Variants in C12orf75 observed in about 807,000 individuals in gnomAD.
C12orf75 encodes overexpressed in colon carcinoma 1 protein.
In C12orf75, 4 loss-of-function variants were observed where a neutral mutation model predicts 11.4. The observed-to-expected ratio is 0.35, with a 90% CI of 0.17 to 0.80. The LOEUF is 0.80. Ranked by LOEUF, C12orf75 falls within the 30% of genes least tolerant of loss-of-function variation. The pLI, the probability that C12orf75 is intolerant of heterozygous loss-of-function variation, is 0.52. For synonymous variants in C12orf75, 30 were observed against 30.0 expected, an observed-to-expected ratio of 1.00 and a Z score of 0.00; for missense variants, 89 against 80.4, an observed-to-expected ratio of 1.11 and a Z score of -0.41.
At chr12:105,364,929 C>T (rs1592885730) in intron 2 of C12orf75, among the ~76,000 whole-genome samples, 1 of 151,122 alleles carries the variant, frequency 6.6e-6, no homozygotes, top group Admixed American at 6.6e-5. Context: ...GCAACCTCCA[C>T]CTCCCGGGTT....
chr12:105,366,402 T>C (rs982597163), intron 3 of C12orf75: 1 of 384,594 alleles, frequency 2.6e-6, no homozygotes, highest in African/African-American at 2.1e-5. Flanking sequence ...AAAATTCTAC[T>C]AACGCAATAC....
chr12:105,336,786 A>G (rs917519736), intron 1 of C12orf75, among the ~76,000 whole-genome samples: 3 of 152,194 alleles, frequency 2.0e-5, no homozygotes, highest in African/African-American at 7.2e-5. Flanking sequence ...TACTCACTCT[A>G]AAAGTAAGGT....
At chr12:105,337,910 A>G (rs1418246412) in intron 1 of C12orf75, among the ~76,000 whole-genome samples, 1 of 152,204 alleles carries the variant, frequency 6.6e-6, no homozygotes, top group East Asian at 1.9e-4. Flanking sequence ...CTTGCTTCAA[A>G]GTGTAACTAT....
intron 1 of C12orf75, among the ~76,000 whole-genome samples, chr12:105,334,269 T>C (rs1892473303): frequency 2.0e-5 from 3 of 152,238 alleles, no homozygotes; most frequent in Admixed American, 2.0e-4. Flanking sequence ...CAGCAATGGA[T>C]GTTTGTAGAA....
chr12:105,346,318 A>C (rs1392819233), intron 1 of C12orf75, among the ~76,000 whole-genome samples: 1 of 152,242 alleles, frequency 6.6e-6, no homozygotes, highest in African/African-American at 2.4e-5. Flanking sequence ...TATCACAGGC[A>C]TTCCTTAACC....
In C12orf75 at chr12:105,366,665, G is replaced by A; in HGVS notation, c.156G>A (p.Met52Ile). Residue 52 changes from methionine to isoleucine, a missense_variant, in exon 4 of 6, where the codon ATG becomes ATA. Physicochemically the swap from Met to Ile is conservative, Grantham distance 10. Coordinates refer to ENST00000443585, the MANE Select transcript of C12orf75 (RefSeq NM_001145199.2). ...YVGLPSEAVN[M>I]VSSQTKTVRK... is the part of the protein sequence containing the mutation. ...GCCTACCATCTGAAGCTGTCAATAT[G>A]GTGTCCAGTCAAACAAAGACGGTTC... 6.5e-7 allele frequency: 1 copy of A among 1,542,646 alleles called. No homozygotes were observed. Among genetic ancestry groups the A allele is most frequent in the African/African-American group, 1.4e-5 (1 of 72,934 alleles).
chr12:105,330,837 C>A lies in C12orf75; in HGVS notation c.-55C>A. On this transcript the variant is annotated 5_prime_UTR_variant, in exon 1 of 6. Transcript: ENST00000443585. ...CGCCGCCCTTCGTCTGGGTCTCCGC[C>A]CCCAGGACCCGCGGCCGAGAGCTCC... 8.0e-7 allele frequency: 1 copy of A among 1,242,532 alleles called. No individual in the cohort carries two copies. Among genetic ancestry groups the A allele is most frequent in the Non-Finnish European group, 1.0e-6 (1 of 993,904 alleles). The allele number at this position is 1,242,532 out of a possible 1,614,324, so 77.0% of individuals were successfully genotyped here. A position where few individuals can be genotyped will look rare whatever the true frequency, so the allele number is the denominator to read the frequency against.
chr12:105,339,967 G>A (rs777319986), intron 1 of C12orf75, among the ~76,000 whole-genome samples: 1 of 152,024 alleles, frequency 6.6e-6, no homozygotes, highest in African/African-American at 2.4e-5. Context: ...ATAGACTTTG[G>A]CATTTGGGAG....
At chr12:105,358,023 T>G (rs544424600) in intron 2 of C12orf75, among the ~76,000 whole-genome samples, 2 of 152,238 alleles carry the variant, frequency 1.3e-5, no homozygotes, top group Admixed American at 1.3e-4. Flanking sequence ...TTATTTTGTA[T>G]TTTTTGAAGA....
chr12:105,370,936 A>G lies in C12orf75; in HGVS notation c.*336A>G. ...CATTTCCACCCTGGCCACTCAGCAC[A>G]TTTCATGGAGGTCATGTCTTTTCAC... On this transcript the variant is annotated 3_prime_UTR_variant, in exon 6 of 6. Transcript: ENST00000443585. The G allele has an allele frequency of 3.6e-6, 1 of 277,704 alleles. No individual in the cohort carries two copies. The highest frequency in any genetic ancestry group is 7.3e-6 in the Non-Finnish European group (1 of 137,356). The allele number at this position is 277,704 out of a possible 1,614,324, so 17.2% of individuals were successfully genotyped here.
chr12:105,367,679 C>T (rs1271902860), intron 5 of C12orf75, among the ~76,000 whole-genome samples, 170 bp downstream of exon 5: 2 of 152,226 alleles, frequency 1.3e-5, no homozygotes, highest in East Asian at 1.9e-4. Flanking sequence ...GGTGAATAAT[C>T]AGATCAATTT....
At chr12:105,338,436 A>T (rs562769222) in intron 1 of C12orf75, among the ~76,000 whole-genome samples, 1 of 152,166 alleles carries the variant, frequency 6.6e-6, no homozygotes, top group Non-Finnish European at 1.5e-5. Context: ...GGCCTCCCAG[A>T]GTGCTGGGAT....
At chr12:105,368,019 G>T (rs1282687416) in intron 5 of C12orf75, among the ~76,000 whole-genome samples, 5 of 152,172 alleles carry the variant, frequency 3.3e-5, no homozygotes, top group Non-Finnish European at 7.4e-5. Flanking sequence ...ATGTAGTTAT[G>T]CAGGAAGGAA....
chr12:105,360,408 T>G (rs1892845499), intron 2 of C12orf75, among the ~76,000 whole-genome samples: 1 of 152,222 alleles, frequency 6.6e-6, no homozygotes, highest in South Asian at 2.1e-4. Context: ...GGCCTGAGCA[T>G]GGCCATTTCC....
At chr12:105,332,750 A>G (rs1892449789) in intron 1 of C12orf75, among the ~76,000 whole-genome samples, 1 of 147,038 alleles carries the variant, frequency 6.8e-6, no homozygotes, top group Non-Finnish European at 1.5e-5. Flanking sequence ...AAAAAAAAAA[A>G]GAAAAGAAAA....
chr12:105,366,568 C>T, intron 3 of C12orf75, 49 bp from the exon 4 acceptor site: 1 of 894,674 alleles, frequency 1.1e-6, no homozygotes, highest in Non-Finnish European at 1.8e-6. Context: ...CTGTTGCTTC[C>T]TGTAAATAGA....
chr12:105,362,384 C>CAAA (rs35725967), intron 2 of C12orf75, among the ~76,000 whole-genome samples: 3,336 of 18,686 alleles, frequency 0.18, 544 homozygotes, highest in Non-Finnish European at 0.21. Context: ...GACTCCGTCT[C>CAAA]AAAAAAAAAA....
chr12:105,340,960 G>T (rs528385557), intron 1 of C12orf75, among the ~76,000 whole-genome samples: 9 of 152,302 alleles, frequency 5.9e-5, no homozygotes, highest in African/African-American at 2.2e-4. Context: ...CCTCTGGAAG[G>T]AGTTTGGATC....
intron 5 of C12orf75, among the ~76,000 whole-genome samples, chr12:105,369,633 C>T (rs960034029): frequency 3.3e-5 from 5 of 152,112 alleles, no homozygotes; most frequent in African/African-American, 4.8e-5. Flanking sequence ...GAACAGGCCC[C>T]GCTGTGTGAT....
Sources: gnomAD v4.1 joint callset for allele counts (sites outside exome capture counted in the v4.1 genomes callset) on GRCh38, gnomAD v4.1.1 for gene constraint, MANE v1.5 for transcripts, NCBI Gene and HGNC (gene_info 2026-07-23, HGNC 2026-07-21) for gene names.